CCDC110: variants seen among roughly 807,000 people sequenced by gnomAD.
The protein encoded by CCDC110 is coiled-coil domain containing 110, also known as coiled-coil domain-containing protein 110.
In CCDC110, 70 loss-of-function variants were observed where a neutral mutation model predicts 77.1. That is an observed-to-expected ratio of 0.91 (90% CI 0.75 to 1.11). The LOEUF (loss-of-function observed/expected upper bound fraction) is 1.11. Ranked by LOEUF, CCDC110 falls within the 50% of genes least tolerant of loss-of-function variation. The probability of loss-of-function intolerance (pLI) is 0.00; values close to 1 mark genes in which losing one functional copy is unlikely to be tolerated. For synonymous variants in CCDC110, 295 were observed against 312.5 expected, an observed-to-expected ratio of 0.94 and a Z score of 0.59; for missense variants, 868 against 942.9, an observed-to-expected ratio of 0.92 and a Z score of 1.04.
In CCDC110 at chr4:185,459,080, CTT is replaced by C; in HGVS notation, c.1505_1506del (p.Lys502ArgfsTer4). 1 of 1,574,190 alleles carries C rather than the reference CTT, an allele frequency of 6.4e-7. No individual in the cohort carries two copies. On this transcript the variant is annotated frameshift_variant, in exon 6 of 7. Coordinates refer to ENST00000307588, the MANE Select transcript of CCDC110 (RefSeq NM_152775.4). LOFTEE classifies it high-confidence loss of function. The part of the protein sequence containing the change: ...SKLSKTEEYS[K>X]ECLKEFKKII... Reference sequence around the variant, plus strand: ...ATTTTTTTAAATTCTTTAAGACACTCTTTGCTGTATTCTTCTGTTTTACTTAA... The same window carrying C: ...ATTTTTTTAAATTCTTTAAGACACTCTGCTGTATTCTTCTGTTTTACTTAA...
rs768673901 is a variant in CCDC110, at chr4:185,458,459, C to CATTTTTGGTAT, written c.2127_2128insATACCAAAAAT (p.Glu710IlefsTer13). The stretch of plus-strand genomic sequence containing the variant: ...AGAATCTGATTATCTGTTTTGGTTT[C>CATTTTTGGTAT]CATTACCATTTTTGATAACATTTCA... On this transcript the variant is annotated frameshift_variant, in exon 6 of 7. Coordinates refer to ENST00000307588, the MANE Select transcript of CCDC110 (RefSeq NM_152775.4). LOFTEE classifies it high-confidence loss of function. 3 of 1,600,032 alleles carry CATTTTTGGTAT rather than the reference C, an allele frequency of 1.9e-6. No homozygotes were observed. Among genetic ancestry groups the CATTTTTGGTAT allele is most frequent in the Non-Finnish European group, 2.6e-6 (3 of 1,175,804 alleles).
At chr4:185,448,909 T>C (rs1226114681) in intron 6 of CCDC110, among the ~76,000 whole-genome samples, 1 of 152,222 alleles carries the variant, frequency 6.6e-6, no homozygotes, top group African/African-American at 2.4e-5. Flanking sequence ...ATTATTCTTT[T>C]GAAAAATCTG....
chr4:185,448,113 C>T (rs1250921880), intron 6 of CCDC110, among the ~76,000 whole-genome samples: 2 of 151,086 alleles, frequency 1.3e-5, no homozygotes, highest in Admixed American at 6.6e-5. Flanking sequence ...CTCTGCCTCC[C>T]AGGTTCAAGC....
intron 4 of CCDC110, among the ~76,000 whole-genome samples, chr4:185,462,436 C>T (rs1369246322): frequency 6.6e-6 from 1 of 152,282 alleles, no homozygotes; most frequent in East Asian, 1.9e-4. Context: ...TCAGCGAGTG[C>T]TATCTCTTTG....
chr4:185,450,749 A>AAG (rs901741087), intron 6 of CCDC110, among the ~76,000 whole-genome samples: 1 of 151,570 alleles, frequency 6.6e-6, no homozygotes, highest in African/African-American at 2.4e-5. Flanking sequence ...GTCTAAAAAA[A>AAG]AAAAAAAAAA....
chr4:185,449,653 A>AG, intron 6 of CCDC110: 5 of 1,522,158 alleles, frequency 3.3e-6, no homozygotes, highest in Non-Finnish European at 4.4e-6. Flanking sequence ...AGCAACTGGA[A>AG]GACAAGTAGC....
rs1194168645 is a variant in CCDC110, at chr4:185,460,151, A to T, written c.436T>A (p.Leu146Ile). 7 of 1,612,894 alleles carry T rather than the reference A, an allele frequency of 4.3e-6. No homozygotes were observed. Among genetic ancestry groups the T allele is most frequent in the Non-Finnish European group, 5.1e-6 (6 of 1,179,872 alleles). Reference sequence around the variant, plus strand: ...AGACTGTTCACACTATCACCACTTAATTTTTCTTCCACTGAATGAAGTGTC... The same window carrying T: ...AGACTGTTCACACTATCACCACTTATTTTTTCTTCCACTGAATGAAGTGTC... Reference protein sequence around the residue: ...SKTLHSVEEKLSGDSVNSLPQ... With the variant: ...SKTLHSVEEKISGDSVNSLPQ... The change falls in exon 6 of 7, where the codon TTA (leucine) becomes ATA (isoleucine). Residue 146 changes from leucine to isoleucine, a missense_variant. By Grantham distance (5) the Leu-to-Ile change is conservative (BLOSUM62 2). Coordinates refer to ENST00000307588, the MANE Select transcript of CCDC110 (RefSeq NM_152775.4).
At chr4:185,469,066 T>TA (rs2153325294) in intron 2 of CCDC110, among the ~76,000 whole-genome samples, 1 of 152,350 alleles carries the variant, frequency 6.6e-6, no homozygotes, top group Non-Finnish European at 1.5e-5. Flanking sequence ...CCCATTCCAA[T>TA]AAGGGTTAAT....
chr4:185,463,612 G>C (rs1561166747), intron 2 of CCDC110, among the ~76,000 whole-genome samples: 1 of 152,154 alleles, frequency 6.6e-6, no homozygotes, highest in Non-Finnish European at 1.5e-5. Context: ...TTTACCAAGG[G>C]GACTCTTTTT....
rs539897176 is a variant in CCDC110 at position 185,445,407 on chromosome 4, T to G, written c.*95A>C. ...CAAATATATAGCGCCTCATTATGAG[T>G]CATTTGAGATGAGTTAGATATGCAT... On this transcript the variant is annotated 3_prime_UTR_variant, in exon 7 of 7. Transcript: ENST00000307588. 1 of 907,992 alleles carries G rather than the reference T, an allele frequency of 1.1e-6. No homozygotes were observed. Among genetic ancestry groups the G allele is most frequent in the East Asian group, 2.4e-5 (1 of 41,196 alleles). The allele number at this position is 907,992 out of a possible 1,614,324, so 56.2% of individuals were successfully genotyped here. A position where few individuals can be genotyped will look rare whatever the true frequency, so the allele number is the denominator to read the frequency against.
rs571480004 is a variant in CCDC110 at position 185,453,917 on chromosome 4, G to A, written c.2461+4209C>T. On this transcript the variant is annotated intron_variant, in intron 6 of 6. Coordinates refer to ENST00000307588, the MANE Select transcript of CCDC110 (RefSeq NM_152775.4). ...CAACCTCTGCCTCCTGGGTTCACGCGATTATCCTGCCTCAGTCTCCTGAGT... is the reference window on the plus strand; with the variant it reads ...CAACCTCTGCCTCCTGGGTTCACGCAATTATCCTGCCTCAGTCTCCTGAGT... 2.0e-5 allele frequency among the ~76,000 whole-genome samples: 3 copies of A among 151,152 alleles called. No homozygotes were observed. In the South Asian group the frequency reaches 6.3e-4, roughly 32 times the overall value.
chr4:185,460,445 C>T (rs35650963), intron 5 of CCDC110, among the ~76,000 whole-genome samples: 32,671 of 152,150 alleles, frequency 0.21, 3,999 homozygotes, highest in East Asian at 0.47. Flanking sequence ...TTGCTTAGAA[C>T]TTGCTCTTAT....
intron 6 of CCDC110, among the ~76,000 whole-genome samples, chr4:185,450,640 A>T (rs1306854643): frequency 6.6e-6 from 1 of 150,978 alleles, no homozygotes; most frequent in Non-Finnish European, 1.5e-5. Context: ...CCAGCTCGGG[A>T]GGCTGAGGAA....
At position 185,459,374 on chromosome 4, in the gene CCDC110, C is replaced by A; in HGVS notation, c.1213G>T (p.Gly405Ter). The change falls in exon 6 of 7, where the codon GGA becomes TGA. Residue 405 changes from glycine to a stop codon, truncating the protein, a stop_gained. Coordinates refer to ENST00000307588, the MANE Select transcript of CCDC110 (RefSeq NM_152775.4). LOFTEE classifies it high-confidence loss of function. ...TTCTCATTTTCAGATATTATTGATC[C>A]TTGTTTTACTAGAAATGGTTGTCTT... is the stretch of plus-strand genomic sequence containing the variant. Reference protein sequence around the residue: ...KERQPFLVKQGSIISENEKTS... With the variant: ...KERQPFLVKQ The A allele has an allele frequency of 6.2e-7, 1 of 1,611,762 alleles. No homozygotes were observed. Among genetic ancestry groups the A allele is most frequent in the Non-Finnish European group, 8.5e-7 (1 of 1,179,170 alleles).
chr4:185,467,274 T>C (rs528831691), intron 2 of CCDC110, among the ~76,000 whole-genome samples: 2 of 152,366 alleles, frequency 1.3e-5, no homozygotes, highest in South Asian at 2.1e-4. Flanking sequence ...GTCGGATTCA[T>C]CTATTTTTAA....
intron 6 of CCDC110, among the ~76,000 whole-genome samples, chr4:185,451,105 CCT>C (rs1207069804): frequency 1.3e-5 from 2 of 152,052 alleles, no homozygotes; most frequent in African/African-American, 4.8e-5. Context: ...AAGGGGTTTC[CCT>C]CTCGCTTGAT....
chr4:185,458,574 A>G lies in CCDC110; in HGVS notation c.2013T>C (p.Thr671=), dbSNP rs761861301. 1 of 1,608,550 alleles carries G rather than the reference A, an allele frequency of 6.2e-7. No individual in the cohort carries two copies. The highest frequency in any genetic ancestry group is 2.2e-5 in the East Asian group (1 of 44,738). Residue 671 remains threonine, a synonymous_variant, in exon 6 of 7, where the codon ACT becomes ACC. Transcript: ENST00000307588. ...TTTCTTGCAGAAAATTCTCTTCGGC[A>G]GTAGATTGGTAGGTTTGAATATTCT... The part of the protein sequence containing the change: ...EIENIQTYQS[T]AEENFLQEIK...
At chr4:185,467,094 A>C (rs2095657644) in intron 2 of CCDC110, among the ~76,000 whole-genome samples, 1 of 152,176 alleles carries the variant, frequency 6.6e-6, no homozygotes, top group Non-Finnish European at 1.5e-5. Flanking sequence ...GAACAGGAGG[A>C]GTGAAATAGC....
chr4:185,456,446 GA>G (rs2095636181), intron 6 of CCDC110, among the ~76,000 whole-genome samples: 3 of 151,594 alleles, frequency 2.0e-5, no homozygotes, highest in Non-Finnish European at 4.4e-5. Context: ...AAAGCAGCAA[GA>G]AAAATCAATG....
Sources: allele counts gnomAD v4.1 joint callset (sites outside exome capture counted in the v4.1 genomes callset), GRCh38; gene constraint gnomAD v4.1.1; transcripts MANE v1.5; gene names NCBI Gene and HGNC (gene_info 2026-07-23, HGNC 2026-07-21).